The following LUZP1 variants were observed in gnomAD, a reference collection of about 807,000 sequenced individuals.
LUZP1 encodes filamin mechanobinding actin cross-linking protein.
A neutral mutation model predicts 71.3 loss-of-function variants in LUZP1; 25 were observed. The observed-to-expected ratio is 0.35, with a 90% confidence interval of 0.26 to 0.49. LUZP1 has a LOEUF of 0.49. Among genes scored for constraint, LUZP1 ranks in the 20% least tolerant of loss-of-function variants. LUZP1 has a pLI of 0.99. For missense variants in LUZP1, 1,142 were observed against 1,300.8 expected (o/e 0.88, Z 1.88); for synonymous variants, 481 against 506.4 (o/e 0.95, Z 0.67).
In LUZP1 at chr1:23,166,371, C is replaced by T. The variant is rs1352691431; in HGVS notation, c.-226+2395G>A. Among the ~76,000 whole-genome samples the T allele has an allele frequency of 2.0e-5, 3 of 152,064 alleles. No homozygotes were observed. In the East Asian group the frequency reaches 5.8e-4, roughly 29 times the overall value. ...CTTGCTCATCTATAAAACAGGGATGCTGACTGGGAGCGGTGGCTCACACCT... is the reference window on the plus strand; with the variant it reads ...CTTGCTCATCTATAAAACAGGGATGTTGACTGGGAGCGGTGGCTCACACCT... On this transcript the variant is annotated intron_variant, in intron 2 of 4. Coordinates refer to ENST00000302291, the Ensembl canonical transcript of LUZP1.
chr1:23,102,328 T>C (rs563200886), intron 3 of LUZP1, among the ~76,000 whole-genome samples: 1 of 152,278 alleles, frequency 6.6e-6, no homozygotes, highest in African/African-American at 2.4e-5. Flanking sequence ...ATCCAGCATT[T>C]TGGAGGGTGG....
chr1:23,145,407 C>G (rs1203792637), intron 2 of LUZP1, among the ~76,000 whole-genome samples: 1 of 151,558 alleles, frequency 6.6e-6, no homozygotes. Flanking sequence ...TCATTTAAAG[C>G]CCTTTGCGTG....
intron 2 of LUZP1, among the ~76,000 whole-genome samples, chr1:23,118,390 T>G (rs566966461): frequency 1.7e-4 from 26 of 152,148 alleles, no homozygotes; most frequent in Non-Finnish European, 3.5e-4. Context: ...AGAGCAAGAC[T>G]CCATCTCAAA....
At chr1:23,089,406 C>T (rs983125243) in intron 4 of LUZP1, among the ~76,000 whole-genome samples, 2 of 152,128 alleles carry the variant, frequency 1.3e-5, no homozygotes, top group Admixed American at 6.5e-5. Flanking sequence ...GCATGCAGGC[C>T]GCATGATTCT....
chr1:23,131,342 C>G (rs1276826951), intron 2 of LUZP1, among the ~76,000 whole-genome samples: 2 of 150,656 alleles, frequency 1.3e-5, no homozygotes, highest in African/African-American at 4.9e-5. Context: ...TATCATTCCT[C>G]AGAAATGCCT....
intron 2 of LUZP1, among the ~76,000 whole-genome samples, chr1:23,142,293 C>T (rs1416556609): frequency 1.3e-5 from 2 of 152,170 alleles, no homozygotes; most frequent in East Asian, 3.9e-4. Context: ...CACACCTAGC[C>T]TACTCTAAAT....
chr1:23,126,012 C>T (rs1183930364), intron 2 of LUZP1, among the ~76,000 whole-genome samples: 1 of 152,120 alleles, frequency 6.6e-6, no homozygotes, highest in Non-Finnish European at 1.5e-5. Flanking sequence ...TGTTACAGAG[C>T]CCACAGACTG....
At chr1:23,165,410 G>A (rs995080361) in intron 2 of LUZP1, among the ~76,000 whole-genome samples, 2 of 147,788 alleles carry the variant, frequency 1.4e-5, no homozygotes, top group African/African-American at 2.5e-5. Context: ...GATGGCTCAT[G>A]CCTGTAATCT....
At chr1:23,116,033 G>A (rs540813549) in intron 2 of LUZP1, among the ~76,000 whole-genome samples, 4 of 152,232 alleles carry the variant, frequency 2.6e-5, no homozygotes, top group South Asian at 2.1e-4. Context: ...AGGATCACTC[G>A]AGCCCAGGAG....
At chr1:23,154,674 C>G (rs934654081) in intron 2 of LUZP1, among the ~76,000 whole-genome samples, 1 of 149,644 alleles carries the variant, frequency 6.7e-6, no homozygotes, top group African/African-American at 2.5e-5. Context: ...TCCTGAGTAG[C>G]TGGGATTACA....
exon 5 of LUZP1, chr1:23,087,126 G>A (rs936879926): frequency 7.9e-5 from 12 of 152,274 alleles, no homozygotes; most frequent in African/African-American, 2.9e-4. Context: ...CTCCTAGAAC[G>A]CCAGGAGATA....
intron 2 of LUZP1, among the ~76,000 whole-genome samples, chr1:23,137,576 G>A (rs1273973569): frequency 1.3e-5 from 2 of 152,088 alleles, no homozygotes; most frequent in Non-Finnish European, 2.9e-5. Flanking sequence ...GGAAGGCAGA[G>A]GTTGCAATGA....
At chr1:23,154,572 T>C (rs2124737235) in intron 2 of LUZP1, among the ~76,000 whole-genome samples, 1 of 151,946 alleles carries the variant, frequency 6.6e-6, no homozygotes, top group Admixed American at 6.6e-5. Flanking sequence ...AGACGGAGTC[T>C]TGCTCTGTCG....
intron 2 of LUZP1, among the ~76,000 whole-genome samples, chr1:23,167,720 C>T (rs1644521040): frequency 6.6e-6 from 1 of 152,244 alleles, no homozygotes; most frequent in African/African-American, 2.4e-5. Flanking sequence ...TGCACAGAAA[C>T]CGCAGCCACC....
At chr1:23,103,188 C>A (rs572963588) in intron 3 of LUZP1, among the ~76,000 whole-genome samples, 1 of 151,522 alleles carries the variant, frequency 6.6e-6, no homozygotes, top group Non-Finnish European at 1.5e-5. Context: ...CCTCCCACTT[C>A]GCCCTTCGAG....
At chr1:23,165,451 C>A (rs1005494218) in intron 2 of LUZP1, among the ~76,000 whole-genome samples, 1 of 150,996 alleles carries the variant, frequency 6.6e-6, no homozygotes, top group Non-Finnish European at 1.5e-5. Context: ...ATGGGAGGAT[C>A]CCCTGAACCC....
chr1:23,169,472 T>G (rs761381341), intron 1 of LUZP1, among the ~76,000 whole-genome samples: 6 of 152,238 alleles, frequency 3.9e-5, no homozygotes, highest in Admixed American at 2.0e-4. Flanking sequence ...TCTATTACTC[T>G]GCAAATGCAG....
chr1:23,156,240 C>A (rs2124740947), intron 2 of LUZP1, among the ~76,000 whole-genome samples: 1 of 152,164 alleles, frequency 6.6e-6, no homozygotes, highest in East Asian at 1.9e-4. Context: ...ATTAGCCAGG[C>A]ATGGTGGCAT....
At chr1:23,133,972 A>T (rs906960306) in intron 2 of LUZP1, among the ~76,000 whole-genome samples, 11 of 152,280 alleles carry the variant, frequency 7.2e-5, no homozygotes, top group South Asian at 4.1e-4. Flanking sequence ...CTTCCAAAGG[A>T]GAATGTTATT....
Sources: gnomAD v4.1 joint callset for allele counts (sites outside exome capture counted in the v4.1 genomes callset) on GRCh38, gnomAD v4.1.1 for gene constraint, MANE v1.5 for transcripts, NCBI Gene and HGNC (gene_info 2026-07-23, HGNC 2026-07-21) for gene names.